Variants in SUMO2 observed in about 807,000 individuals in gnomAD.
The protein encoded by SUMO2 is small ubiquitin like modifier 2, also known as small ubiquitin-related modifier 2.
SUMO2 carries 1 observed loss-of-function variant against 16.0 expected under a neutral mutation model. That is an observed-to-expected ratio of 0.06 (90% confidence interval 0.02 to 0.30). SUMO2 has a LOEUF of 0.30. SUMO2 is among the 10% of genes least tolerant of loss of function. The probability of loss-of-function intolerance (pLI) is 1.00; values close to 1 mark genes in which losing one functional copy is unlikely to be tolerated. For synonymous variants in SUMO2, 36 were observed against 40.6 expected, an observed-to-expected ratio of 0.89 and a Z score of 0.43; for missense variants, 16 against 117.5, an observed-to-expected ratio of 0.14 and a Z score of 3.99.
At chr17:75,172,577 G>A (rs2074749939) in intron 3 of SUMO2, among the ~76,000 whole-genome samples, 1 of 151,214 alleles carries the variant, frequency 6.6e-6, no homozygotes, top group Non-Finnish European at 1.5e-5. Flanking sequence ...TGCCTCCTGG[G>A]TTCAAGCGAT....
At chr17:75,180,558 C>CA (rs201149071) in intron 2 of SUMO2, among the ~76,000 whole-genome samples, 6,823 of 146,896 alleles carry the variant, frequency 0.046, 236 homozygotes, top group South Asian at 0.17. Context: ...ACTAAAAATA[C>CA]AAAAAAAAAA....
chr17:75,181,843 T>TGTCATGGGTCAA (rs1400204710), intron 1 of SUMO2, among the ~76,000 whole-genome samples: 1 of 151,980 alleles, frequency 6.6e-6, no homozygotes, highest in African/African-American at 2.4e-5. Context: ...CCCCCTTTGT[T>TGTCATGGGTCAA]GTCATGGGTC....
At chr17:75,174,419 T>G (rs2074765867) in intron 3 of SUMO2, among the ~76,000 whole-genome samples, 1 of 151,954 alleles carries the variant, frequency 6.6e-6, no homozygotes, top group South Asian at 2.1e-4. Flanking sequence ...ACTGGTGGGG[T>G]TGGGCACATT....
At chr17:75,173,721 C>T (rs2074760206) in intron 3 of SUMO2, among the ~76,000 whole-genome samples, 1 of 152,116 alleles carries the variant, frequency 6.6e-6, no homozygotes, top group Non-Finnish European at 1.5e-5. Flanking sequence ...AAGTGCTCCG[C>T]CCACCTTGGC....
At chr17:75,179,920 C>G (rs2074813813) in intron 2 of SUMO2, among the ~76,000 whole-genome samples, 1 of 152,024 alleles carries the variant, frequency 6.6e-6, no homozygotes, top group Admixed American at 6.6e-5. Flanking sequence ...GCTGGGATTA[C>G]AGATATGAGC....
At chr17:75,173,537 C>G (rs1350132956) in intron 3 of SUMO2, among the ~76,000 whole-genome samples, 1 of 150,264 alleles carries the variant, frequency 6.7e-6, no homozygotes, top group Non-Finnish European at 1.5e-5. Flanking sequence ...TGCAGTGGTA[C>G]CATCTTGGGT....
At chr17:75,171,539 T>C (rs1319606785) in intron 3 of SUMO2, among the ~76,000 whole-genome samples, 1 of 151,480 alleles carries the variant, frequency 6.6e-6, no homozygotes, top group Non-Finnish European at 1.5e-5. Flanking sequence ...AAAAAAAAGC[T>C]GGGGAGGCAG....
At chr17:75,172,334 T>C (rs2074746744) in intron 3 of SUMO2, among the ~76,000 whole-genome samples, 2 of 150,476 alleles carry the variant, frequency 1.3e-5, no homozygotes. Context: ...ACTTTTTTTT[T>C]TTTTTTTTTG....
At position 75,180,416 on chromosome 17, in the gene SUMO2, A is replaced by C. The variant is rs954891027; in HGVS notation, c.153+641T>G. Among the ~76,000 whole-genome samples, 16 of 146,664 alleles carry C rather than the reference A, an allele frequency of 1.1e-4. No individual in the cohort carries two copies. In the South Asian group the frequency reaches 1.5e-3, roughly 14 times the overall value. On this transcript the variant is annotated intron_variant, in intron 2 of 3. Coordinates refer to ENST00000420826, the MANE Select transcript of SUMO2 (RefSeq NM_006937.4). The stretch of plus-strand genomic sequence containing the variant: ...TTAAAAAAAAAAAAAAAAAAAAAAA[A>C]AAAAACGACTTCTTGGTTTGGCGCG...
rs2074692006 is a variant in SUMO2, at chr17:75,166,232, T to C, written c.*2107A>G. On this transcript the variant is annotated 3_prime_UTR_variant, in exon 4 of 4. Coordinates refer to ENST00000420826, the MANE Select transcript of SUMO2 (RefSeq NM_006937.4). ...GGCTCAAGCCTGTAATCTCAGCACTTTGGGAGGCCAAGGCAGGCAGATCAC... is the reference window on the plus strand; with the variant it reads ...GGCTCAAGCCTGTAATCTCAGCACTCTGGGAGGCCAAGGCAGGCAGATCAC... 2 of 152,192 alleles carry C rather than the reference T, an allele frequency of 1.3e-5. No homozygotes were observed. Among genetic ancestry groups the C allele is most frequent in the Admixed American group, 1.3e-4 (2 of 15,242 alleles). 9.4% of individuals were successfully genotyped at this position (152,192 alleles called of 1,614,324 possible).
At chr17:75,176,498 C>T (rs2074783374) in intron 2 of SUMO2, among the ~76,000 whole-genome samples, 1 of 151,958 alleles carries the variant, frequency 6.6e-6, no homozygotes, top group African/African-American at 2.4e-5. Flanking sequence ...CGCCTGTAAT[C>T]CCAGCTATTC....
At chr17:75,173,928 A>T (rs1458902609) in intron 3 of SUMO2, among the ~76,000 whole-genome samples, 1 of 152,224 alleles carries the variant, frequency 6.6e-6, no homozygotes, top group Non-Finnish European at 1.5e-5. Flanking sequence ...AAAGAGTTAA[A>T]GGATCAGAGA....
At position 75,174,782 on chromosome 17, in the gene SUMO2, T is replaced by C. The variant is rs766712356; in HGVS notation, c.195A>G (p.Gln65=). Residue 65 remains glutamine, a synonymous_variant, in exon 3 of 4, where the codon CAA becomes CAG. Transcript: ENST00000420826. Reference sequence around the variant, plus strand: ...CAGGTGTGTCTGTTTCATTGATTGGTTGCCCGTCAAATCGGAATCTGATCT... The same window carrying C: ...CAGGTGTGTCTGTTTCATTGATTGGCTGCCCGTCAAATCGGAATCTGATCT... ...MRQIRFRFDG[Q]PINETDTPAQ... 6 of 1,613,908 alleles carry C rather than the reference T, an allele frequency of 3.7e-6. No homozygotes were observed. The highest frequency in any genetic ancestry group is 3.3e-5 in the South Asian group (3 of 91,072).
intron 3 of SUMO2, among the ~76,000 whole-genome samples, chr17:75,174,323 G>A (rs73352427): frequency 7.6e-4 from 116 of 152,242 alleles, no homozygotes; most frequent in African/African-American, 2.3e-3. Flanking sequence ...CATGGCAGGC[G>A]AGGGCTGCCA....
chr17:75,167,839 T>C lies in SUMO2; in HGVS notation c.*500A>G, dbSNP rs1392708388. The stretch of plus-strand genomic sequence containing the variant: ...AATTTATCCCTACTTAAAGACAGAT[T>C]GCCCTACATGTAACAGCTACGTACA... On this transcript the variant is annotated 3_prime_UTR_variant, in exon 4 of 4. Coordinates refer to ENST00000420826, the MANE Select transcript of SUMO2 (RefSeq NM_006937.4). 6.1e-6 allele frequency: 1 copy of C among 163,366 alleles called. No individual in the cohort carries two copies. The highest frequency in any genetic ancestry group is 1.5e-5 in the Non-Finnish European group (1 of 68,134). The allele number at this position is 163,366 out of a possible 1,614,324, so 10.1% of individuals were successfully genotyped here. A position where few individuals can be genotyped will look rare whatever the true frequency, so the allele number is the denominator to read the frequency against.
rs769327739 is a variant in SUMO2, at chr17:75,168,293, G to C, written c.*46C>G. 7.1e-7 allele frequency: 1 copy of C among 1,409,652 alleles called. No individual in the cohort carries two copies. Among genetic ancestry groups the C allele is most frequent in the Non-Finnish European group, 9.7e-7 (1 of 1,033,210 alleles). 87.3% of individuals were successfully genotyped at this position (1,409,652 alleles called of 1,614,324 possible). A position where few individuals can be genotyped will look rare whatever the true frequency, so the allele number is the denominator to read the frequency against. On this transcript the variant is annotated 3_prime_UTR_variant, in exon 4 of 4. Transcript: ENST00000420826. Reference sequence around the variant, plus strand: ...GTTTTCTAATTGAGAATGTAATCTTGGTCTTTAAAGAACAGAGTTCTGGAG... The same window carrying C: ...GTTTTCTAATTGAGAATGTAATCTTCGTCTTTAAAGAACAGAGTTCTGGAG...
At chr17:75,176,496 A>G (rs1197210244) in intron 2 of SUMO2, among the ~76,000 whole-genome samples, 5 of 151,960 alleles carry the variant, frequency 3.3e-5, no homozygotes, top group Non-Finnish European at 7.4e-5. Context: ...TCCGCCTGTA[A>G]TCCCAGCTAT....
intron 3 of SUMO2, among the ~76,000 whole-genome samples, chr17:75,171,254 A>G (rs2074736304): frequency 6.6e-6 from 1 of 151,616 alleles, no homozygotes; most frequent in Admixed American, 6.6e-5. Flanking sequence ...TCAGCCTCCC[A>G]AGTAGCTGGG....
At chr17:75,168,799 T>C (rs2074712727) in intron 3 of SUMO2, among the ~76,000 whole-genome samples, 1 of 152,120 alleles carries the variant, frequency 6.6e-6, no homozygotes, top group South Asian at 2.1e-4. Flanking sequence ...GAGATGGGGT[T>C]TCGTCATGTT....
Sources: gnomAD v4.1 joint callset for allele counts (sites outside exome capture counted in the v4.1 genomes callset) on GRCh38, gnomAD v4.1.1 for gene constraint, MANE v1.5 for transcripts, NCBI Gene and HGNC (gene_info 2026-07-23, HGNC 2026-07-21) for gene names.